Variants in KLF8 observed in about 807,000 individuals in gnomAD.
KLF8 encodes KLF transcription factor 8, also known as Krueppel-like factor 8.
KLF8 carries 10 observed loss-of-function variants against 18.2 expected under a neutral mutation model. That is an observed-to-expected ratio of 0.55 (90% CI 0.34 to 0.93). KLF8 has a LOEUF of 0.93. KLF8 is among the 40% of genes least tolerant of loss of function. The pLI is 0.02. For missense variants in KLF8, 264 were observed against 277.9 expected (o/e 0.95, Z 0.36); for synonymous variants, 109 against 97.3 (o/e 1.12, Z -0.71).
the KLF8 span, among the ~76,000 whole-genome samples, chrX:56,079,517 T>C: frequency 8.9e-6 from 1 of 112,118 alleles, no homozygotes; most frequent in South Asian, 3.7e-4. Flanking sequence ...TAGTTTGTTA[T>C]AATTTCTGTT....
At chrX:56,234,649 GAA>G (rs2066451750) in intron 1 of KLF8, among the ~76,000 whole-genome samples, 1 of 112,703 alleles carries the variant, frequency 8.9e-6, no homozygotes, top group African/African-American at 3.2e-5. Context: ...ACTTCTGAAA[GAA>G]AGGGCTACTA....
chrX:55,975,326 C>A, the KLF8 span, among the ~76,000 whole-genome samples: 1 of 111,328 alleles, frequency 9.0e-6, no homozygotes, highest in African/African-American at 3.3e-5. Flanking sequence ...ATGTGGTGAA[C>A]AAGGGGAAGA....
At chrX:56,137,065 A>G in the KLF8 span, among the ~76,000 whole-genome samples, 6 of 111,050 alleles carry the variant, frequency 5.4e-5, no homozygotes, top group Non-Finnish European at 1.1e-4. Context: ...ATACCATCTC[A>G]CACCAGTTAG....
the KLF8 span, among the ~76,000 whole-genome samples, chrX:56,186,722 T>C: frequency 8.9e-6 from 1 of 111,764 alleles, no homozygotes; most frequent in African/African-American, 3.3e-5. Context: ...ATTAAGAAAC[T>C]CATTCAAAAC....
At chrX:55,941,275 T>A in the KLF8 span, among the ~76,000 whole-genome samples, 2 of 112,141 alleles carry the variant, frequency 1.8e-5, no homozygotes, top group Non-Finnish European at 3.8e-5. Context: ...GGGGAAAGGA[T>A]TCCCTATTTA....
the KLF8 span, among the ~76,000 whole-genome samples, chrX:55,925,967 G>A: frequency 8.9e-6 from 1 of 111,765 alleles, no homozygotes; most frequent in Non-Finnish European, 1.9e-5. Context: ...ATGGAAAATT[G>A]GGTATTCATC....
chrX:56,283,275 TTGAG>T (rs1031974841), intron 5 of KLF8, among the ~76,000 whole-genome samples: 4 of 112,398 alleles, frequency 3.6e-5, no homozygotes, highest in African/African-American at 9.7e-5. Flanking sequence ...TTACATGCCC[TTGAG>T]TTTCTAACCT....
the KLF8 span, among the ~76,000 whole-genome samples, chrX:56,032,620 A>AT: frequency 9.0e-6 from 1 of 111,116 alleles, no homozygotes; most frequent in East Asian, 2.8e-4. Context: ...TTTACTCAAC[A>AT]TTTTTCTCAA....
the KLF8 span, among the ~76,000 whole-genome samples, chrX:56,112,260 C>G: frequency 4.5e-5 from 5 of 111,341 alleles, no homozygotes; most frequent in African/African-American, 1.6e-4. Flanking sequence ...CAAGTTATCA[C>G]TCATAAGTTG....
At chrX:56,162,030 G>A in the KLF8 span, among the ~76,000 whole-genome samples, 1 of 111,853 alleles carries the variant, frequency 8.9e-6, no homozygotes. Flanking sequence ...TTTGCTTTTG[G>A]TCCACTCCAG....
At chrX:56,058,287 T>TACATATATATACATATATATAC in the KLF8 span, among the ~76,000 whole-genome samples, 1 of 40,527 alleles carries the variant, frequency 2.5e-5, no homozygotes. Flanking sequence ...TACATATATA[T>TACATATATATACATATATATAC]ATATATATAT....
chrX:55,956,137 C>T, the KLF8 span, among the ~76,000 whole-genome samples: 1 of 78,274 alleles, frequency 1.3e-5, no homozygotes, highest in African/African-American at 1.4e-4. Flanking sequence ...ATTTATCTAT[C>T]TATCTATCTA....
In KLF8 at chrX:56,261,351, G is replaced by A. The variant is rs192966249; in HGVS notation, c.82-3829G>A. The stretch of plus-strand genomic sequence containing the variant: ...CAGAAATCCGGAAATTCAGGATAAA[G>A]TCTTAAAATAGCAAATGGGGAAAGT... On this transcript the variant is annotated intron_variant, in intron 2 of 5. Coordinates refer to ENST00000468660, the MANE Select transcript of KLF8 (RefSeq NM_007250.5). Among the ~76,000 whole-genome samples the A allele has an allele frequency of 2.0e-3, 225 of 111,448 alleles. 1 individual carries two copies. Among genetic ancestry groups the A allele is most frequent in the Non-Finnish European group, 2.6e-3 (139 of 53,002 alleles).
At chrX:56,121,511 C>T in the KLF8 span, among the ~76,000 whole-genome samples, 2 of 112,119 alleles carry the variant, frequency 1.8e-5, no homozygotes, top group South Asian at 7.4e-4. Flanking sequence ...ATCAGACTGC[C>T]CTGAAAGCTC....
chrX:56,126,192 T>G, the KLF8 span, among the ~76,000 whole-genome samples: 3 of 111,873 alleles, frequency 2.7e-5, no homozygotes, highest in Non-Finnish European at 3.8e-5. Context: ...CCCATTTCAG[T>G]AACCTGCAGC....
the KLF8 span, among the ~76,000 whole-genome samples, chrX:56,220,395 G>C: frequency 8.9e-6 from 1 of 112,361 alleles, no homozygotes; most frequent in East Asian, 2.8e-4. Flanking sequence ...AGAACTCCCA[G>C]GAATTCTTAT....
the KLF8 span, among the ~76,000 whole-genome samples, chrX:56,191,322 G>T: frequency 8.9e-6 from 1 of 111,867 alleles, no homozygotes; most frequent in East Asian, 2.8e-4. Flanking sequence ...AGTTGAAATT[G>T]TCTAAGCTAA....
the KLF8 span, among the ~76,000 whole-genome samples, chrX:56,209,503 C>T: frequency 1.3e-3 from 141 of 111,111 alleles, no homozygotes; most frequent in Non-Finnish European, 2.2e-3. Context: ...GTGGTGAGTG[C>T]CTGTAATCCC....
At chrX:55,996,682 A>T in the KLF8 span, among the ~76,000 whole-genome samples, 1 of 111,724 alleles carries the variant, frequency 9.0e-6, no homozygotes, top group Non-Finnish European at 1.9e-5. Flanking sequence ...GGGGGCTGGT[A>T]CCAGGCCCAC....
Sources: gnomAD v4.1 joint callset for allele counts (sites outside exome capture counted in the v4.1 genomes callset) on GRCh38, gnomAD v4.1.1 for gene constraint, MANE v1.5 for transcripts, NCBI Gene and HGNC (gene_info 2026-07-23, HGNC 2026-07-21) for gene names.